PDE4B: variants seen among roughly 807,000 people sequenced by gnomAD.
PDE4B encodes the protein 3',5'-cyclic-AMP phosphodiesterase 4B.
PDE4B carries 20 observed loss-of-function variants against 82.2 expected under a neutral mutation model. The observed-to-expected ratio is 0.24, with a 90% CI of 0.17 to 0.35. The LOEUF (loss-of-function observed/expected upper bound fraction) is 0.35, where lower values mean the gene tolerates loss of function less well. Among genes scored for constraint, PDE4B ranks in the 10% least tolerant of loss-of-function variants. PDE4B has a pLI of 1.00. For missense variants in PDE4B, 655 were observed against 907.2 expected, an observed-to-expected ratio of 0.72 and a Z score of 3.57; for synonymous variants, 320 against 318.9, an observed-to-expected ratio of 1.00 and a Z score of -0.04.
intron 3 of PDE4B, among the ~76,000 whole-genome samples, chr1:66,090,621 A>ATATATGTGTGTG: frequency 9.0e-5 from 11 of 122,726 alleles, no homozygotes; most frequent in African/African-American, 4.5e-4. Context: ...TATATAATAT[A>ATATATGTGTGTG]TGTGTGTGTG....
chr1:66,046,788 A>G (rs539271740), intron 3 of PDE4B, among the ~76,000 whole-genome samples: 1 of 152,012 alleles, frequency 6.6e-6, no homozygotes, highest in Non-Finnish European at 1.5e-5. Context: ...TGCTTCACTT[A>G]GGAATATTAT....
intron 3 of PDE4B, among the ~76,000 whole-genome samples, chr1:66,067,081 T>C (rs1045884445): frequency 6.6e-6 from 1 of 152,072 alleles, no homozygotes; most frequent in African/African-American, 2.4e-5. Context: ...CTTAATCCAG[T>C]CTATCATTTA....
At chr1:65,810,504 T>C (rs1257571205) in intron 1 of PDE4B, among the ~76,000 whole-genome samples, 3 of 152,218 alleles carry the variant, frequency 2.0e-5, no homozygotes, top group Non-Finnish European at 4.4e-5. Context: ...GTCTATACTT[T>C]TTCTAGTGCC....
At chr1:65,879,379 G>C (rs1234580531) in intron 1 of PDE4B, among the ~76,000 whole-genome samples, 1 of 151,990 alleles carries the variant, frequency 6.6e-6, no homozygotes, top group Non-Finnish European at 1.5e-5. Flanking sequence ...AAAATGTTAA[G>C]CTCCTGCTAA....
At chr1:66,235,030 GTATT>G (rs1304723674) in intron 3 of PDE4B, among the ~76,000 whole-genome samples, 1 of 152,104 alleles carries the variant, frequency 6.6e-6, no homozygotes, top group African/African-American at 2.4e-5. Flanking sequence ...TGTTTAGACT[GTATT>G]TAGTTTACAA....
chr1:66,125,933 A>G (rs1353474238), intron 3 of PDE4B, among the ~76,000 whole-genome samples: 1 of 152,140 alleles, frequency 6.6e-6, no homozygotes, highest in African/African-American at 2.4e-5. Context: ...CAGCCTCCTG[A>G]GTAGCTGAAA....
chr1:66,103,440 T>C (rs1302937061), intron 3 of PDE4B, among the ~76,000 whole-genome samples: 1 of 152,124 alleles, frequency 6.6e-6, no homozygotes, highest in Non-Finnish European at 1.5e-5. Flanking sequence ...CCAGCATATG[T>C]GCCATTGAAA....
At chr1:65,828,772 C>T (rs2101282073) in intron 1 of PDE4B, among the ~76,000 whole-genome samples, 1 of 151,470 alleles carries the variant, frequency 6.6e-6, no homozygotes, top group East Asian at 1.9e-4. Flanking sequence ...AATTATAACC[C>T]CTAGGAAAAT....
intron 3 of PDE4B, among the ~76,000 whole-genome samples, chr1:65,947,625 G>A (rs564085306): frequency 6.6e-6 from 1 of 152,072 alleles, no homozygotes; most frequent in South Asian, 2.1e-4. Context: ...AGTATGACTG[G>A]TATCTTTATC....
chr1:66,070,786 T>C (rs2100926573), intron 3 of PDE4B, among the ~76,000 whole-genome samples: 1 of 152,228 alleles, frequency 6.6e-6, no homozygotes, highest in South Asian at 2.1e-4. Context: ...TGATTAAAAT[T>C]GTTATACTTT....
At chr1:66,172,768 T>A (rs1210460875) in intron 3 of PDE4B, among the ~76,000 whole-genome samples, 1 of 81,594 alleles carries the variant, frequency 1.2e-5, no homozygotes, top group East Asian at 5.1e-4. Context: ...TTTCATCTCC[T>A]CATCTTCACA....
At chr1:65,942,379 T>C (rs1240343412) in intron 3 of PDE4B, among the ~76,000 whole-genome samples, 1 of 152,046 alleles carries the variant, frequency 6.6e-6, no homozygotes, top group Non-Finnish European at 1.5e-5. Flanking sequence ...TTTTAAAGAA[T>C]AAAGAATATT....
chr1:66,178,166 C>G (rs1646974430), intron 3 of PDE4B, among the ~76,000 whole-genome samples: 2 of 151,598 alleles, frequency 1.3e-5, no homozygotes, highest in South Asian at 2.1e-4. Context: ...TTCTCCCCCC[C>G]AAAAAAAGAA....
At chr1:65,842,812 A>G (rs561501416) in intron 1 of PDE4B, among the ~76,000 whole-genome samples, 1 of 152,320 alleles carries the variant, frequency 6.6e-6, no homozygotes, top group East Asian at 1.9e-4. Flanking sequence ...TCACTATGTT[A>G]CATGGTAATA....
At chr1:65,979,508 G>T (rs1220682160) in intron 3 of PDE4B, among the ~76,000 whole-genome samples, 1 of 152,192 alleles carries the variant, frequency 6.6e-6, no homozygotes, top group Non-Finnish European at 1.5e-5. Context: ...AAGGTCAGGC[G>T]TTCAGTGGTA....
chr1:65,898,665 A>T (rs958544462), intron 1 of PDE4B, among the ~76,000 whole-genome samples: 1 of 152,166 alleles, frequency 6.6e-6, no homozygotes, highest in African/African-American at 2.4e-5. Context: ...AAACCAAAAT[A>T]CTTACAGACA....
At chr1:65,796,504 G>T (rs953181030) in intron 1 of PDE4B, among the ~76,000 whole-genome samples, 4 of 151,682 alleles carry the variant, frequency 2.6e-5, no homozygotes, top group African/African-American at 9.7e-5. Context: ...CTCTACTACA[G>T]AGCCCATCTA....
intron 3 of PDE4B, chr1:66,112,714 C>G (rs1017038589): frequency 6.6e-6 from 1 of 152,142 alleles, no homozygotes; most frequent in Non-Finnish European, 1.5e-5. Context: ...TTCTGTGCCT[C>G]TATCATTATT....
chr1:66,071,036 A>G (rs1181243770), intron 3 of PDE4B, among the ~76,000 whole-genome samples: 1 of 152,018 alleles, frequency 6.6e-6, no homozygotes, highest in Admixed American at 6.6e-5. Flanking sequence ...AAATTATGTT[A>G]ATAATTTTTC....
Sources: allele counts gnomAD v4.1 joint callset (sites outside exome capture counted in the v4.1 genomes callset), GRCh38; gene constraint gnomAD v4.1.1; transcripts MANE v1.5; gene names NCBI Gene and HGNC (gene_info 2026-07-23, HGNC 2026-07-21).